Variants in PANK3 observed in about 807,000 individuals in gnomAD.
PANK3 encodes pantothenate kinase 3, also known as hPanK3.
PANK3 carries 20 observed loss-of-function variants against 39.4 expected under a neutral mutation model. The ratio of observed to expected loss-of-function variants is 0.51; its 90% CI spans 0.36 to 0.74. The LOEUF (loss-of-function observed/expected upper bound fraction) is 0.74, where lower values mean the gene tolerates loss of function less well. Ranked by LOEUF, PANK3 falls within the 30% of genes least tolerant of loss-of-function variation. The pLI is 0.00. For missense variants in PANK3, 265 were observed against 437.0 expected (o/e 0.61, Z 3.51); for synonymous variants, 140 against 157.3 (o/e 0.89, Z 0.82).
intron 5 of PANK3, 109 bp downstream of exon 5, chr5:168,561,284 C>A: frequency 1.0e-6 from 1 of 958,512 alleles, no homozygotes. Context: ...TGGGTTACAT[C>A]TCAATCCCAG....
In PANK3 at chr5:168,556,243, T is replaced by C. The variant is rs990316466; in HGVS notation, c.*1328A>G. 6.6e-6 allele frequency: 1 copy of C among 152,186 alleles called. No individual in the cohort carries two copies. Among genetic ancestry groups the C allele is most frequent in the Non-Finnish European group, 1.5e-5 (1 of 68,074 alleles). The allele number at this position is 152,186 out of a possible 1,614,324, so 9.4% of individuals were successfully genotyped here. On this transcript the variant is annotated 3_prime_UTR_variant, in exon 7 of 7. Transcript: ENST00000239231. Reference sequence around the variant, plus strand: ...TGTTGGGAAGTGGAAGGCATTCTTTTAAGGGGATAAGAAGCAAATGGAAGA... The same window carrying C: ...TGTTGGGAAGTGGAAGGCATTCTTTCAAGGGGATAAGAAGCAAATGGAAGA...
At chr5:168,558,745 C>G (rs1423628051) in intron 6 of PANK3, among the ~76,000 whole-genome samples, 1 of 152,126 alleles carries the variant, frequency 6.6e-6, no homozygotes, top group Non-Finnish European at 1.5e-5. Flanking sequence ...TGGCTCACAC[C>G]TATAAAGGAT....
chr5:168,558,772 T>C (rs1759395321), intron 6 of PANK3, among the ~76,000 whole-genome samples: 1 of 151,838 alleles, frequency 6.6e-6, no homozygotes, highest in Non-Finnish European at 1.5e-5. Context: ...AGGCCAGGAG[T>C]TCCAGACTAG....
At chr5:168,570,692 G>A (rs1220066367) in intron 1 of PANK3, among the ~76,000 whole-genome samples, 1 of 152,194 alleles carries the variant, frequency 6.6e-6, no homozygotes, top group Non-Finnish European at 1.5e-5. Flanking sequence ...AAAGGGGGAA[G>A]TCTAAGGAAA....
At chr5:168,568,096 A>G (rs1457965977) in intron 2 of PANK3, among the ~76,000 whole-genome samples, 1 of 152,120 alleles carries the variant, frequency 6.6e-6, no homozygotes, top group Admixed American at 6.6e-5. Flanking sequence ...ACCAATACTC[A>G]TAGTTCTCCT....
rs546278890 is a variant in PANK3, at chr5:168,555,932, T to C, written c.*1639A>G. The C allele has an allele frequency of 2.0e-5, 3 of 152,338 alleles. No homozygotes were observed. The highest frequency in any genetic ancestry group is 2.9e-5 in the Non-Finnish European group (2 of 68,036). The allele number at this position is 152,338 out of a possible 1,614,324, so 9.4% of individuals were successfully genotyped here. ...GTTGCCTAAGACACAACTTCCTACATAGAGGAAATAAGAGGAACAAACCCC... is the reference window on the plus strand; with the variant it reads ...GTTGCCTAAGACACAACTTCCTACACAGAGGAAATAAGAGGAACAAACCCC... On this transcript the variant is annotated 3_prime_UTR_variant, in exon 7 of 7. Coordinates refer to ENST00000239231, the MANE Select transcript of PANK3 (RefSeq NM_024594.4).
At chr5:168,569,180 G>GTTTTTTTTTT (rs544747926) in intron 1 of PANK3, among the ~76,000 whole-genome samples, 182 bp from the exon 2 acceptor site, 1 of 115,940 alleles carries the variant, frequency 8.6e-6, no homozygotes, top group Non-Finnish European at 1.7e-5. Context: ...TCCCTTCAAA[G>GTTTTTTTTTT]TTTTTTTTTT....
intron 4 of PANK3, among the ~76,000 whole-genome samples, chr5:168,563,024 C>CA (rs1005003690): frequency 4.6e-5 from 7 of 151,034 alleles, no homozygotes; most frequent in South Asian, 2.1e-4. Flanking sequence ...GAAAAAAAAA[C>CA]AAAAAACCTG....
chr5:168,572,722 CT>C (rs1301895312), intron 1 of PANK3, among the ~76,000 whole-genome samples: 1 of 152,118 alleles, frequency 6.6e-6, no homozygotes, highest in East Asian at 1.9e-4. Context: ...GATATGATGG[CT>C]TAGCTTGGGC....
At chr5:168,572,304 G>A (rs531860918) in intron 1 of PANK3, among the ~76,000 whole-genome samples, 1 of 152,088 alleles carries the variant, frequency 6.6e-6, no homozygotes, top group East Asian at 1.9e-4. Flanking sequence ...AGTAAAGAAG[G>A]GGTTTCACCA....
chr5:168,559,646 CAATA>C (rs1330774447), intron 5 of PANK3, among the ~76,000 whole-genome samples: 1 of 151,832 alleles, frequency 6.6e-6, no homozygotes, highest in Admixed American at 6.6e-5. Flanking sequence ...TGAAAATGGC[CAATA>C]AATAGCCCCC....
intron 1 of PANK3, among the ~76,000 whole-genome samples, chr5:168,578,299 A>G (rs1332449954): frequency 6.6e-6 from 1 of 152,252 alleles, no homozygotes; most frequent in African/African-American, 2.4e-5. Context: ...TGAGTTTTAC[A>G]GGAACCCCGA....
At chr5:168,567,803 A>G (rs957716053) in intron 2 of PANK3, among the ~76,000 whole-genome samples, 2 of 152,048 alleles carry the variant, frequency 1.3e-5, no homozygotes, top group Non-Finnish European at 2.9e-5. Flanking sequence ...TATTTTTTGT[A>G]GAGACGGGGT....
chr5:168,568,203 G>C (rs1163231706), intron 2 of PANK3, among the ~76,000 whole-genome samples: 1 of 152,178 alleles, frequency 6.6e-6, no homozygotes, highest in Non-Finnish European at 1.5e-5. Flanking sequence ...TCATTCAGGT[G>C]TCCATTATAC....
chr5:168,565,394 C>A (rs922217283), intron 3 of PANK3, among the ~76,000 whole-genome samples: 2 of 152,050 alleles, frequency 1.3e-5, no homozygotes, highest in Admixed American at 1.3e-4. Flanking sequence ...AAAGAAATCA[C>A]ATTAATTCAT....
chr5:168,548,923 A>G lies in PANK3; in HGVS notation c.*8648T>C, dbSNP rs993568777. The G allele has an allele frequency of 1.1e-4, 17 of 152,214 alleles. No homozygotes were observed. Among genetic ancestry groups the G allele is most frequent in the Non-Finnish European group, 1.8e-4 (12 of 68,014 alleles). The allele number at this position is 152,214 out of a possible 1,614,324, so 9.4% of individuals were successfully genotyped here. On this transcript the variant is annotated 3_prime_UTR_variant, in exon 7 of 7. Transcript: ENST00000239231. ...ATGATAAAGCTTAGACTTGACAAGAATGATGTAATAGAATGAGGCAACTGA... is the reference window on the plus strand; with the variant it reads ...ATGATAAAGCTTAGACTTGACAAGAGTGATGTAATAGAATGAGGCAACTGA...
chr5:168,559,713 AACATGG>A (rs1486415556), intron 5 of PANK3, among the ~76,000 whole-genome samples: 15 of 152,224 alleles, frequency 9.9e-5, no homozygotes, highest in Admixed American at 9.8e-4. Flanking sequence ...AAAAAATCAA[AACATGG>A]TAAGTACTAT....
At chr5:168,575,074 C>T (rs1201231904) in intron 1 of PANK3, among the ~76,000 whole-genome samples, 1 of 151,920 alleles carries the variant, frequency 6.6e-6, no homozygotes. Context: ...ATTTAAAAAG[C>T]AAAACAAAAC....
rs1288627443 is a variant in PANK3 at position 168,557,160 on chromosome 5, T to C, written c.*411A>G. On this transcript the variant is annotated 3_prime_UTR_variant, in exon 7 of 7. Coordinates refer to ENST00000239231, the MANE Select transcript of PANK3 (RefSeq NM_024594.4). ...CATTTCAGTAATTTTGAATACAGGG[T>C]ATGTTATTTTCTGCTCACTAGTAAT... 6.3e-6 allele frequency: 1 copy of C among 158,986 alleles called. No individual in the cohort carries two copies. Among genetic ancestry groups the C allele is most frequent in the East Asian group, 1.8e-4 (1 of 5,444 alleles). The allele number at this position is 158,986 out of a possible 1,614,324, so 9.8% of individuals were successfully genotyped here.
Sources: gnomAD v4.1 joint callset for allele counts (sites outside exome capture counted in the v4.1 genomes callset) on GRCh38, gnomAD v4.1.1 for gene constraint, MANE v1.5 for transcripts, NCBI Gene and HGNC (gene_info 2026-07-23, HGNC 2026-07-21) for gene names.